PDPN: variants seen among roughly 807,000 people sequenced by gnomAD.
PDPN encodes the protein podoplanin.
PDPN carries 12 observed loss-of-function variants against 23.2 expected under a neutral mutation model. That is an observed-to-expected ratio of 0.52 (90% CI 0.33 to 0.84). PDPN has a LOEUF of 0.84. Among genes scored for constraint, PDPN ranks in the 40% least tolerant of loss-of-function variants. PDPN has a pLI of 0.02. For synonymous variants in PDPN, 77 were observed against 76.7 expected, an observed-to-expected ratio of 1.00 and a Z score of -0.02; for missense variants, 199 against 212.2, an observed-to-expected ratio of 0.94 and a Z score of 0.39.
upstream of PDPN, chr1:13,583,786 C>A: frequency 2.0e-6 from 3 of 1,516,430 alleles, no homozygotes; most frequent in East Asian, 2.3e-5. Flanking sequence ...CCCGCTCCCC[C>A]GCCTCCTCGG....
intron 1 of PDPN, among the ~76,000 whole-genome samples, chr1:13,602,087 G>A (rs780310196): frequency 1.5e-4 from 23 of 152,240 alleles, no homozygotes; most frequent in Non-Finnish European, 1.5e-4. Context: ...AGCACTTCGG[G>A]AGGCCGAGGC....
In PDPN at chr1:13,589,403, G is replaced by A. The variant is rs146151760; in HGVS notation, c.67+5303G>A. On this transcript the variant is annotated intron_variant, in intron 1 of 5. Coordinates refer to ENST00000621990, the MANE Select transcript of PDPN (RefSeq NM_006474.5). The stretch of plus-strand genomic sequence containing the variant: ...TGTTCTGAGCCAAATCTCCCCATAA[G>A]ATTAAATGTGAATCTGTAAAGCTAC... Among the ~76,000 whole-genome samples, 581 of 152,306 alleles carry A rather than the reference G, an allele frequency of 3.8e-3. 2 individuals are homozygous for A. Among genetic ancestry groups the A allele is most frequent in the Non-Finnish European group, 6.1e-3 (417 of 68,032 alleles).
chr1:13,599,373 CTTTTTTTTTTTTTTTTT>C (rs70984267), intron 1 of PDPN, among the ~76,000 whole-genome samples: 1 of 77,086 alleles, frequency 1.3e-5, no homozygotes, highest in Non-Finnish European at 2.3e-5. Flanking sequence ...GAGAAGCTAT[CTTTTTTTTTTTTTTTTT>C]TTTTTTTTTT....
In PDPN at chr1:13,583,856, G is replaced by T. The variant is rs375753913; in HGVS notation, c.-178G>T. 8.2e-6 allele frequency: 13 copies of T among 1,594,904 alleles called. No individual in the cohort carries two copies. The highest frequency in any genetic ancestry group is 4.0e-5 in the African/African-American group (3 of 74,288). ...CAACTGCAAAGTTTGCTGTCCGGCT[G>T]CCTAGGGTCTGGGAAGCTCGGGCAC... is the stretch of plus-strand genomic sequence containing the variant. On this transcript the variant is annotated 5_prime_UTR_variant, in exon 1 of 6. Coordinates refer to ENST00000621990, the MANE Select transcript of PDPN (RefSeq NM_006474.5).
intron 1 of PDPN, among the ~76,000 whole-genome samples, chr1:13,598,638 C>T (rs1324966565): frequency 1.3e-5 from 2 of 152,052 alleles, no homozygotes; most frequent in Non-Finnish European, 2.9e-5. Context: ...AACAGTTCTA[C>T]CGAACCACCG....
intron 2 of PDPN, among the ~76,000 whole-genome samples, chr1:13,609,257 C>T (rs1402703708): frequency 6.6e-6 from 1 of 152,130 alleles, no homozygotes; most frequent in Non-Finnish European, 1.5e-5. Context: ...TTTCAAAGCA[C>T]TCAAAATCAT....
chr1:13,614,213 G>T, intron 4 of PDPN, 87 bp from the exon 5 acceptor site: 1 of 714,460 alleles, frequency 1.4e-6, no homozygotes. Context: ...GTGCAGTAGG[G>T]CAGTGGCTTT....
Position 13,610,421 on chromosome 1 carries a change from G to A in PDPN, c.236G>A (p.Arg79His), listed in dbSNP as rs374052197. The A allele has an allele frequency of 1.1e-5, 17 of 1,613,466 alleles. No homozygotes were observed. The highest frequency in any genetic ancestry group is 6.7e-5 in the East Asian group (3 of 44,864). The change falls in exon 3 of 6, where the codon CGC becomes CAC. Residue 79 changes from arginine (R) to histidine (H), a missense_variant. Transcript: ENST00000621990. ...ATSVNSVTGIRIEDLPTSEST... is the reference protein window; with the variant it reads ...ATSVNSVTGIHIEDLPTSEST... ...AGTGTCAACAGTGTAACAGGCATTCGCATCGAGGATCTGCCAACTTCAGAA... is the reference window on the plus strand; with the variant it reads ...AGTGTCAACAGTGTAACAGGCATTCACATCGAGGATCTGCCAACTTCAGAA...
chr1:13,599,280 G>A (rs1396042545), intron 1 of PDPN, among the ~76,000 whole-genome samples: 1 of 151,414 alleles, frequency 6.6e-6, no homozygotes, highest in Non-Finnish European at 1.5e-5. Context: ...AAGTGCTGGT[G>A]GGATTACAGG....
chr1:13,612,539 T>C (rs549790877), intron 3 of PDPN, among the ~76,000 whole-genome samples: 22 of 152,174 alleles, frequency 1.4e-4, no homozygotes, highest in Non-Finnish European at 2.9e-4. Flanking sequence ...GGGAGTTGAT[T>C]TGATACCGTC....
At chr1:13,599,944 AACACCTCCTTTAGAGTGAGTC>A (rs1640599835) in intron 1 of PDPN, among the ~76,000 whole-genome samples, 1 of 152,220 alleles carries the variant, frequency 6.6e-6, no homozygotes, top group African/African-American at 2.4e-5. Context: ...TGCTCAAAGC[AACACCTCCTTTAGAGTGAGTC>A]ATACCTTCCT....
At chr1:13,609,075 C>T (rs1261746479) in intron 2 of PDPN, among the ~76,000 whole-genome samples, 1 of 152,136 alleles carries the variant, frequency 6.6e-6, no homozygotes, top group East Asian at 1.9e-4. Flanking sequence ...ACAGCAATGC[C>T]CATTCAGTTG....
At chr1:13,596,457 G>A (rs1480062287) in intron 1 of PDPN, among the ~76,000 whole-genome samples, 1 of 152,166 alleles carries the variant, frequency 6.6e-6, no homozygotes, top group East Asian at 1.9e-4. Flanking sequence ...GGTCCAGTAA[G>A]CAATTTACCA....
At chr1:13,610,549 T>C in intron 3 of PDPN, 33 bp downstream of exon 3, 1 of 1,604,098 alleles carries the variant, frequency 6.2e-7, no homozygotes, top group Non-Finnish European at 8.5e-7. Flanking sequence ...TGGGGGCTGA[T>C]CTACTTTTGC....
chr1:13,586,191 G>A (rs1219050090), intron 1 of PDPN, among the ~76,000 whole-genome samples: 4 of 152,084 alleles, frequency 2.6e-5, no homozygotes, highest in Non-Finnish European at 5.9e-5. Flanking sequence ...GCTTTTCCGG[G>A]ACCAATCCAC....
intron 1 of PDPN, among the ~76,000 whole-genome samples, chr1:13,595,548 G>A (rs1640472381): frequency 1.3e-5 from 2 of 152,168 alleles, no homozygotes; most frequent in African/African-American, 2.4e-5. Flanking sequence ...TTCACGTGCT[G>A]GATTTCTCCT....
At chr1:13,604,172 G>A (rs139204114) in intron 1 of PDPN, among the ~76,000 whole-genome samples, 8 of 152,310 alleles carry the variant, frequency 5.3e-5, no homozygotes, top group Admixed American at 1.3e-4. Flanking sequence ...GCGTGTGTGC[G>A]TGCATATGTA....
At chr1:13,597,772 G>A (rs1640534005) in intron 1 of PDPN, among the ~76,000 whole-genome samples, 1 of 152,036 alleles carries the variant, frequency 6.6e-6, no homozygotes, top group Non-Finnish European at 1.5e-5. Context: ...AGGAGTTTGA[G>A]ACCAGCCTGG....
chr1:13,586,454 A>G (rs1211345585), intron 1 of PDPN, among the ~76,000 whole-genome samples: 3 of 152,150 alleles, frequency 2.0e-5, no homozygotes, highest in African/African-American at 7.2e-5. Flanking sequence ...CTAAGTCTGG[A>G]CGTGGCCAAA....
Sources: allele counts gnomAD v4.1 joint callset (sites outside exome capture counted in the v4.1 genomes callset), GRCh38; gene constraint gnomAD v4.1.1; transcripts MANE v1.5; gene names NCBI Gene and HGNC (gene_info 2026-07-23, HGNC 2026-07-21).